DSE: variants seen among roughly 807,000 people sequenced by gnomAD.
DSE encodes the protein dermatan-sulfate epimerase.
Under a neutral mutation model 84.4 loss-of-function variants are expected in DSE, and 36 were observed. That is an observed-to-expected ratio of 0.43 (90% confidence interval 0.33 to 0.56). The LOEUF (loss-of-function observed/expected upper bound fraction) is 0.56, where lower values mean the gene tolerates loss of function less well. Ranked by LOEUF, DSE falls within the 20% of genes least tolerant of loss-of-function variation. The pLI is 0.06. For missense variants in DSE, 862 were observed against 1,169.6 expected (o/e 0.74, Z 3.84); for synonymous variants, 410 against 430.1 (o/e 0.95, Z 0.58).
At chr6:116,333,225 G>A (rs1210641191) in intron 2 of DSE, among the ~76,000 whole-genome samples, 1 of 152,168 alleles carries the variant, frequency 6.6e-6, no homozygotes, top group East Asian at 1.9e-4. Context: ...GCATAACAGA[G>A]TACCATAGAC....
chr6:116,404,055 T>A (rs939506995), intron 2 of DSE, among the ~76,000 whole-genome samples: 2 of 152,152 alleles, frequency 1.3e-5, no homozygotes, highest in Non-Finnish European at 2.9e-5. Flanking sequence ...TTTGGTAGAA[T>A]TTTGCATGTG....
chr6:116,368,551 C>A (rs1331573350), upstream of DSE, among the ~76,000 whole-genome samples: 3 of 152,224 alleles, frequency 2.0e-5, no homozygotes, highest in Non-Finnish European at 4.4e-5. Context: ...TTCAGTGATT[C>A]TCCAACTAAA....
intron 1 of DSE, 60 bp from the exon 2 acceptor site, chr6:116,399,138 C>G: frequency 7.1e-7 from 1 of 1,403,142 alleles, no homozygotes; most frequent in South Asian, 1.3e-5. Flanking sequence ...TATATGTTTC[C>G]ACACCTGTGC....
chr6:116,279,433 T>C, intron 2 of DSE: 1 of 1,613,450 alleles, frequency 6.2e-7, no homozygotes, highest in Non-Finnish European at 8.5e-7. Flanking sequence ...GCCACAGATT[T>C]CTAGGGCCTT....
intron 2 of DSE, among the ~76,000 whole-genome samples, chr6:116,352,590 T>G (rs921256156): frequency 6.6e-6 from 1 of 152,064 alleles, no homozygotes; most frequent in Non-Finnish European, 1.5e-5. Context: ...TTGAACTGGA[T>G]AGTAAACATC....
intron 2 of DSE, among the ~76,000 whole-genome samples, chr6:116,325,841 T>C (rs1013553382): frequency 2.0e-5 from 3 of 152,232 alleles, no homozygotes; most frequent in African/African-American, 7.2e-5. Flanking sequence ...GCAAGACTCC[T>C]GTCTCAAGAG....
At chr6:116,283,001 A>G (rs1210101789) in intron 2 of DSE, among the ~76,000 whole-genome samples, 1 of 152,184 alleles carries the variant, frequency 6.6e-6, no homozygotes, top group African/African-American at 2.4e-5. Flanking sequence ...TTACTTGTGG[A>G]TTTTTTGTTC....
At chr6:116,405,528 T>C (rs1781868686) in intron 2 of DSE, among the ~76,000 whole-genome samples, 1 of 152,228 alleles carries the variant, frequency 6.6e-6, no homozygotes, top group Admixed American at 6.5e-5. Flanking sequence ...TCACTCTTTC[T>C]GCCTCTCTTT....
chr6:116,348,825 G>C (rs897689092), intron 2 of DSE, among the ~76,000 whole-genome samples: 1 of 152,178 alleles, frequency 6.6e-6, no homozygotes, highest in Non-Finnish European at 1.5e-5. Context: ...GTCCTTTGTA[G>C]GGACATGGAT....
intron 2 of DSE, among the ~76,000 whole-genome samples, chr6:116,325,968 C>T (rs184235097): frequency 1.3e-5 from 2 of 152,040 alleles, no homozygotes; most frequent in Non-Finnish European, 2.9e-5. Flanking sequence ...TGGGGCTGCA[C>T]GCACCAGTAA....
chr6:116,286,960 T>C (rs1200792576), intron 2 of DSE, among the ~76,000 whole-genome samples: 1 of 152,164 alleles, frequency 6.6e-6, no homozygotes, highest in African/African-American at 2.4e-5. Flanking sequence ...GTGTCAGTCA[T>C]TGCATCATTA....
intron 2 of DSE, among the ~76,000 whole-genome samples, chr6:116,336,759 A>C (rs1164815473): frequency 1.3e-5 from 2 of 151,450 alleles, no homozygotes; most frequent in African/African-American, 4.8e-5. Flanking sequence ...CCATCTCAAA[A>C]AAAAAAAAAA....
intron 2 of DSE, among the ~76,000 whole-genome samples, chr6:116,308,031 A>G (rs1372005987): frequency 2.6e-5 from 4 of 152,206 alleles, no homozygotes; most frequent in South Asian, 2.1e-4. Flanking sequence ...GTGACAATTT[A>G]TGGTAACTGC....
Position 116,435,931 on chromosome 6 carries a change from C to G in DSE, c.1463C>G (p.Pro488Arg). The change falls in exon 6 of 6, where the codon CCA (proline) becomes CGA (arginine). Residue 488 changes from proline to arginine, a missense_variant. Around this residue, in one of 4 missense-constraint regions of DSE, gnomAD observed 186 missense variants for 255.1 expected, o/e 0.73. Transcript: ENST00000644252. The stretch of plus-strand genomic sequence containing the variant: ...TTCAACAATGTTTTGATGTTTTCCC[C>G]AGCTGTGTCAAAGAGCTGCTTTTCT... ...TFFNNVLMFS[P>R]AVSKSCFSPW... is the part of the protein sequence containing the mutation. 1 of 1,614,116 alleles carries G rather than the reference C, an allele frequency of 6.2e-7. No homozygotes were observed. Among genetic ancestry groups the G allele is most frequent in the Non-Finnish European group, 8.5e-7 (1 of 1,180,014 alleles).
At chr6:116,310,700 C>T (rs936587404) in intron 2 of DSE, among the ~76,000 whole-genome samples, 1 of 152,184 alleles carries the variant, frequency 6.6e-6, no homozygotes. Flanking sequence ...CATGTCCACC[C>T]TAGTATATGC....
intron 1 of DSE, among the ~76,000 whole-genome samples, chr6:116,397,614 G>A (rs974335457): frequency 6.6e-6 from 1 of 152,110 alleles, no homozygotes; most frequent in Admixed American, 6.5e-5. Context: ...CCCTCCTCAG[G>A]CATAACCACA....
Position 116,436,990 on chromosome 6 carries a change from A to G in DSE, c.2522A>G (p.Gln841Arg). 6.2e-7 allele frequency: 1 copy of G among 1,614,082 alleles called. No individual in the cohort carries two copies. Among genetic ancestry groups the G allele is most frequent in the Non-Finnish European group, 8.5e-7 (1 of 1,179,998 alleles). Residue 841 changes from glutamine to arginine, a missense_variant, in exon 6 of 6, where the codon CAG (glutamine) becomes CGG (arginine). Coordinates refer to ENST00000644252, the MANE Select transcript of DSE (RefSeq NM_013352.4). ...VNEKKIRQKA[Q>R]ILAQKELPID... The stretch of plus-strand genomic sequence containing the variant: ...GAGAAAAAGATTAGACAGAAAGCTC[A>G]GATTTTGGCACAGAAAGAACTACCC...
intron 2 of DSE, among the ~76,000 whole-genome samples, chr6:116,420,058 C>A (rs894093378): frequency 1.3e-5 from 2 of 152,090 alleles, no homozygotes; most frequent in African/African-American, 4.8e-5. Context: ...CTGAAAAGTA[C>A]TAGGAAATAG....
chr6:116,254,222 G>C, exon 1 of DSE: 1 of 711,668 alleles, frequency 1.4e-6, no homozygotes, highest in Non-Finnish European at 2.5e-6. Flanking sequence ...TTGTCTTCTT[G>C]TCACAAAAAG....
Sources: gnomAD v4.1 joint callset for allele counts (sites outside exome capture counted in the v4.1 genomes callset) on GRCh38, gnomAD v4.1.1 for gene constraint, gnomAD v4.1.1 regional missense constraint, MANE v1.5 for transcripts, NCBI Gene and HGNC (gene_info 2026-07-23, HGNC 2026-07-21) for gene names.